Variants in NMNAT1 observed in about 807,000 individuals in gnomAD.
NMNAT1 encodes nicotinamide/nicotinic acid mononucleotide adenylyltransferase 1.
In NMNAT1, 11 loss-of-function variants were observed where a neutral mutation model predicts 16.7. The ratio of observed to expected loss-of-function variants is 0.66; its 90% CI spans 0.41 to 1.09. The LOEUF is 1.09. Among genes scored for constraint, NMNAT1 ranks in the 50% least tolerant of loss-of-function variants. NMNAT1 has a pLI of 0.00. For missense variants in NMNAT1, 280 were observed against 332.3 expected (o/e 0.84, Z 1.22); for synonymous variants, 110 against 119.8 (o/e 0.92, Z 0.53).
downstream of NMNAT1, among the ~76,000 whole-genome samples, chr1:9,989,098 C>A (rs1431576512): frequency 6.6e-6 from 1 of 152,070 alleles, no homozygotes; most frequent in East Asian, 1.9e-4. Context: ...GCATTTACAT[C>A]CCTGTTTGCC....
chr1:9,947,931 C>T (rs964709091), intron 1 of NMNAT1, among the ~76,000 whole-genome samples: 6 of 152,312 alleles, frequency 3.9e-5, no homozygotes, highest in African/African-American at 1.4e-4. Flanking sequence ...GATCATGTCA[C>T]TCCTCTGCTC....
At chr1:9,982,186 C>T in intron 4 of NMNAT1, 115 bp from the exon 5 acceptor site, 1 of 1,359,700 alleles carries the variant, frequency 7.4e-7, no homozygotes, top group Non-Finnish European at 1.0e-6. Context: ...TTGAAAAGCA[C>T]ATACGTATCT....
intron 2 of NMNAT1, among the ~76,000 whole-genome samples, chr1:9,975,298 G>A (rs1641781034): frequency 6.6e-6 from 1 of 151,962 alleles, no homozygotes; most frequent in Non-Finnish European, 1.5e-5. Context: ...GTCAGGAGTT[G>A]GAGACCAGCT....
intron 3 of NMNAT1, among the ~76,000 whole-genome samples, chr1:9,977,174 C>T (rs1004724713): frequency 3.3e-5 from 5 of 152,300 alleles, no homozygotes; most frequent in South Asian, 2.1e-4. Flanking sequence ...TCCCAAAGTG[C>T]GGGGATTACA....
Position 9,975,719 on chromosome 1 carries a change from A to C in NMNAT1, c.243A>C (p.Glu81Asp). 1.2e-6 allele frequency: 2 copies of C among 1,614,090 alleles called. No homozygotes were observed. The highest frequency in any genetic ancestry group is 1.7e-6 in the Non-Finnish European group (2 of 1,179,976). ...CTACCAAGAATTCTAAATGGGTGGAAGTTGATACATGGGAAAGTCTTCAGA... is the reference window on the plus strand; with the variant it reads ...CTACCAAGAATTCTAAATGGGTGGACGTTGATACATGGGAAAGTCTTCAGA... ...ELATKNSKWVEVDTWESLQKE... is the reference protein window; with the variant it reads ...ELATKNSKWVDVDTWESLQKE... Residue 81 changes from glutamate to aspartate, a missense_variant, in exon 3 of 5, where the codon GAA becomes GAC. Transcript: ENST00000377205.
chr1:9,952,804 G>A (rs1229564602), intron 1 of NMNAT1, among the ~76,000 whole-genome samples: 11 of 152,148 alleles, frequency 7.2e-5, no homozygotes, highest in Non-Finnish European at 1.5e-5. Context: ...CTCCCAAAGT[G>A]CTGGGATTAT....
intron 2 of NMNAT1, chr1:9,972,431 G>A: frequency 3.5e-6 from 1 of 286,456 alleles, no homozygotes; most frequent in Non-Finnish European, 6.6e-6. Context: ...GGGAGGCGGA[G>A]GTTGCAGTGA....
intron 2 of NMNAT1, among the ~76,000 whole-genome samples, chr1:9,973,652 G>A (rs1641738054): frequency 7.6e-6 from 1 of 131,626 alleles, no homozygotes; most frequent in Non-Finnish European, 1.6e-5. Context: ...AGCTTGCAGT[G>A]AGCCAAGATG....
At chr1:9,995,302 G>A in the NMNAT1 span, among the ~76,000 whole-genome samples, 1 of 152,092 alleles carries the variant, frequency 6.6e-6, no homozygotes, top group Non-Finnish European at 1.5e-5. Context: ...AGAAGGCTGA[G>A]GCAGGAAGAT....
chr1:9,994,769 G>A, the NMNAT1 span, among the ~76,000 whole-genome samples: 2,387 of 151,974 alleles, frequency 0.016, 34 homozygotes, highest in African/African-American at 0.033. Flanking sequence ...CCGCCACCAC[G>A]CCCGGCTAAT....
chr1:9,987,066 C>T (rs753266924), downstream of NMNAT1, among the ~76,000 whole-genome samples: 16 of 151,788 alleles, frequency 1.1e-4, no homozygotes, highest in African/African-American at 3.1e-4. Flanking sequence ...GGCGTGGTGG[C>T]GGGCACCTGT....
At chr1:9,953,783 A>T (rs1641177131) in intron 1 of NMNAT1, among the ~76,000 whole-genome samples, 1 of 143,946 alleles carries the variant, frequency 6.9e-6, no homozygotes, top group Admixed American at 7.4e-5. Flanking sequence ...TTTTTGCTGA[A>T]ATCATATATC....
At chr1:9,943,295 G>C (rs1184999518), upstream of NMNAT1, 2 of 154,512 alleles carry the variant, frequency 1.3e-5, no homozygotes, top group African/African-American at 4.8e-5. Flanking sequence ...GATTCCCCCT[G>C]TGCCGCCTGA....
At chr1:9,980,916 A>G (rs1271092505) in intron 3 of NMNAT1, 115 bp from the exon 4 acceptor site, 4 of 1,179,296 alleles carry the variant, frequency 3.4e-6, no homozygotes, top group East Asian at 2.9e-5. Context: ...TCGGCCTCCC[A>G]AAGTGCTGGG....
intron 1 of NMNAT1, among the ~76,000 whole-genome samples, chr1:9,946,754 A>G (rs1200386459): frequency 1.3e-5 from 2 of 152,114 alleles, no homozygotes; most frequent in East Asian, 1.9e-4. Context: ...CGATAGGACT[A>G]GTGTCCTTAT....
chr1:9,946,118 G>T (rs956554735), intron 1 of NMNAT1, among the ~76,000 whole-genome samples: 1 of 152,168 alleles, frequency 6.6e-6, no homozygotes, highest in Admixed American at 6.5e-5. Flanking sequence ...TTTAGCGTGT[G>T]CAGTCTTCGA....
intron 4 of NMNAT1, 200 bp downstream of exon 4, chr1:9,981,370 G>A: frequency 2.9e-6 from 2 of 682,650 alleles, no homozygotes; most frequent in Non-Finnish European, 4.4e-6. Flanking sequence ...GAGCAGCTGG[G>A]ACTACAGGTG....
the NMNAT1 span, among the ~76,000 whole-genome samples, chr1:9,996,386 G>A: frequency 6.6e-6 from 1 of 151,718 alleles, no homozygotes; most frequent in Non-Finnish European, 1.5e-5. Context: ...AAATCAATAA[G>A]TCAGTCTTGG....
intron 3 of NMNAT1, among the ~76,000 whole-genome samples, chr1:9,979,211 T>C (rs1641879402): frequency 1.3e-5 from 2 of 152,184 alleles, no homozygotes; most frequent in South Asian, 4.1e-4. Context: ...CTCACATCTA[T>C]AGTCCCAGCA....
Sources: gnomAD v4.1 joint callset for allele counts (sites outside exome capture counted in the v4.1 genomes callset) on GRCh38, gnomAD v4.1.1 for gene constraint, MANE v1.5 for transcripts, NCBI Gene and HGNC (gene_info 2026-07-23, HGNC 2026-07-21) for gene names.